NEDD9: variants seen among roughly 807,000 people sequenced by gnomAD.
NEDD9 encodes enhancer of filamentation 1.
Under a neutral mutation model 76.6 loss-of-function variants are expected in NEDD9, and 26 were observed. That is an observed-to-expected ratio of 0.34 (90% confidence interval 0.25 to 0.47). NEDD9 has a LOEUF of 0.47. Among genes scored for constraint, NEDD9 ranks in the 20% least tolerant of loss-of-function variants. The pLI is 1.00. For missense variants in NEDD9, 937 were observed against 1,058.5 expected, an observed-to-expected ratio of 0.89 and a Z score of 1.59; for synonymous variants, 392 against 414.2, an observed-to-expected ratio of 0.95 and a Z score of 0.65.
intron 1 of NEDD9, among the ~76,000 whole-genome samples, chr6:11,362,277 C>T (rs758240871): frequency 1.3e-5 from 2 of 152,172 alleles, no homozygotes; most frequent in Admixed American, 6.5e-5. Context: ...TGTTAGTCTC[C>T]AGAACTGTAA....
At chr6:11,279,203 T>A (rs1211272326) in intron 3 of NEDD9, among the ~76,000 whole-genome samples, 2 of 152,210 alleles carry the variant, frequency 1.3e-5, no homozygotes, top group African/African-American at 4.8e-5. Context: ...AAATATGATA[T>A]TTCCAGCTGA....
chr6:11,311,954 G>A (rs777999433), intron 2 of NEDD9, among the ~76,000 whole-genome samples: 5 of 152,072 alleles, frequency 3.3e-5, no homozygotes, highest in South Asian at 2.1e-4. Flanking sequence ...CATTGACCAC[G>A]TTTCCCCTTT....
Position 11,190,562 on chromosome 6 carries a change from C to T in NEDD9, c.1307G>A (p.Arg436Gln), listed in dbSNP as rs552427917. The T allele has an allele frequency of 1.1e-4, 182 of 1,614,162 alleles. 4 individuals are homozygous for T. In the South Asian group the frequency reaches 1.8e-3, roughly 16 times the overall value. Residue 436 changes from arginine (R) to glutamine (Q), a missense_variant, in exon 5 of 7, where the codon CGG becomes CAG. Transcript: ENST00000379446. This position sits in a 1 kb window ranked among gnomAD's most constrained non-coding sequence, Gnocchi z 5.8. Reference protein sequence around the residue: ...SLMALVTTDWRCYGYMERHIN... With the variant: ...SLMALVTTDWQCYGYMERHIN... ...GTGTCTTTCCATATATCCGTAACAC[C>T]GCCAGTCGGTAGTGACCAGTGCCAT...
At chr6:11,276,352 TG>T (rs983640929) in intron 3 of NEDD9, among the ~76,000 whole-genome samples, 1 of 152,232 alleles carries the variant, frequency 6.6e-6, no homozygotes, top group African/African-American at 2.4e-5. Flanking sequence ...TGCATGTATG[TG>T]TGCATGCGTG....
At position 11,185,685 on chromosome 6, in the gene NEDD9, G is replaced by T; in HGVS notation, c.1996-14C>A. On this transcript the variant is annotated splice_polypyrimidine_tract_variant and intron_variant, in intron 6 of 6. Transcript: ENST00000379446. Reference sequence around the variant, plus strand: ...GAACTGGCTCAGCTGCAAGGAAGACGAAAGCAGATCTCATTAGAGCAAGGG... The same window carrying T: ...GAACTGGCTCAGCTGCAAGGAAGACTAAAGCAGATCTCATTAGAGCAAGGG... 1 of 1,613,634 alleles carries T rather than the reference G, an allele frequency of 6.2e-7. No individual in the cohort carries two copies. Among genetic ancestry groups the T allele is most frequent in the East Asian group, 2.2e-5 (1 of 44,876 alleles).
chr6:11,220,809 C>A (rs1352723747), intron 1 of NEDD9, among the ~76,000 whole-genome samples: 1 of 152,156 alleles, frequency 6.6e-6, no homozygotes, highest in African/African-American at 2.4e-5. Context: ...AGCTGGGTTC[C>A]TCTCCTTCCC....
At chr6:11,289,506 G>C (rs1760719311) in intron 3 of NEDD9, among the ~76,000 whole-genome samples, 1 of 152,176 alleles carries the variant, frequency 6.6e-6, no homozygotes, top group Admixed American at 6.5e-5. Flanking sequence ...AGGCTGGAAT[G>C]CAGTGGCGCG....
At chr6:11,197,123 G>C (rs1232244993) in intron 2 of NEDD9, among the ~76,000 whole-genome samples, 39 of 152,238 alleles carry the variant, frequency 2.6e-4, no homozygotes, top group Non-Finnish European at 7.4e-5. Flanking sequence ...GGGACCTCAA[G>C]TTTGGAAGAA....
intron 2 of NEDD9, among the ~76,000 whole-genome samples, chr6:11,204,720 A>AAG (rs1491425003): frequency 4.9e-4 from 24 of 48,676 alleles, no homozygotes; most frequent in African/African-American, 3.2e-3. Flanking sequence ...GGTCCGTCTC[A>AAG]AAAAAAAAAA....
chr6:11,306,018 T>C, exon 3 of NEDD9: 2 of 1,613,996 alleles, frequency 1.2e-6, no homozygotes, highest in Non-Finnish European at 8.5e-7. Flanking sequence ...CCCCAAGGAA[T>C]GATGCAGCTC....
chr6:11,246,676 C>G (rs749745239), intron 3 of NEDD9, among the ~76,000 whole-genome samples: 3 of 152,304 alleles, frequency 2.0e-5, no homozygotes, highest in Non-Finnish European at 2.9e-5. Context: ...TTTTTCACTT[C>G]CCACCCACAG....
intron 2 of NEDD9, among the ~76,000 whole-genome samples, chr6:11,333,547 C>T (rs1451548584): frequency 6.6e-6 from 1 of 152,344 alleles, no homozygotes; most frequent in East Asian, 1.9e-4. Flanking sequence ...CAGGCATGCC[C>T]TCCCAGAATG....
rs1246953258 is a variant in NEDD9, at chr6:11,252,618, C to T, written c.13-38891G>A. On this transcript the variant is annotated intron_variant, in intron 3 of 3. Transcript: ENST00000397378. This position sits in a 1 kb window ranked among gnomAD's most constrained non-coding sequence, Gnocchi z 4.3. ...ACATCTTAGGTCCATGTCACTTACA[C>T]TATTTAGTTATATAGAGCCTTCTGC... Among the ~76,000 whole-genome samples the T allele has an allele frequency of 6.6e-6, 1 of 152,034 alleles. No individual in the cohort carries two copies.
intron 4 of NEDD9, 86 bp downstream of exon 4, chr6:11,192,259 A>C: frequency 1.9e-6 from 1 of 513,284 alleles, no homozygotes; most frequent in Non-Finnish European, 3.3e-6. Context: ...CGAGTGAACT[A>C]CTTACCCACC....
intron 2 of NEDD9, among the ~76,000 whole-genome samples, chr6:11,333,112 A>G (rs1762083034): frequency 6.6e-6 from 1 of 152,104 alleles, no homozygotes; most frequent in Non-Finnish European, 1.5e-5. Context: ...CAATTTTCCC[A>G]TGAGTCTACT....
chr6:11,270,828 A>G (rs913411792), intron 3 of NEDD9, among the ~76,000 whole-genome samples: 3 of 152,208 alleles, frequency 2.0e-5, no homozygotes, highest in African/African-American at 4.8e-5. Context: ...GAAGTCAAAG[A>G]AAGAGAACTG....
At chr6:11,257,514 A>G (rs1251063912) in intron 3 of NEDD9, among the ~76,000 whole-genome samples, 6 of 152,140 alleles carry the variant, frequency 3.9e-5, no homozygotes, top group Non-Finnish European at 7.4e-5. Context: ...CAGCCCCCCA[A>G]ATAGACCATG....
At position 11,241,916 on chromosome 6, in the gene NEDD9, C is replaced by A. The variant is rs1175743876; in HGVS notation, c.13-28189G>T. 1.3e-5 allele frequency among the ~76,000 whole-genome samples: 2 copies of A among 152,188 alleles called. No homozygotes were observed. The highest frequency in any genetic ancestry group is 4.8e-5 in the African/African-American group (2 of 41,446). On this transcript the variant is annotated intron_variant, in intron 3 of 3. Transcript: ENST00000397378. The surrounding 1 kb of genome is among the most constrained non-coding windows in gnomAD (Gnocchi z 4.0). ...TGAAAGGAATCCGGATAATACAAGG[C>A]CTGGTGGAGAGGCGGGTGAGAGGAA...
chr6:11,240,711 G>A (rs1221416224), intron 3 of NEDD9, among the ~76,000 whole-genome samples: 3 of 152,154 alleles, frequency 2.0e-5, no homozygotes, highest in South Asian at 2.1e-4. Flanking sequence ...AAATTCACTC[G>A]ACTCTAGTGA....
Sources: gnomAD v4.1 joint callset for allele counts (sites outside exome capture counted in the v4.1 genomes callset) on GRCh38, gnomAD v4.1.1 for gene constraint, Gnocchi (gnomAD v3.1) non-coding constraint, MANE v1.5 for transcripts, NCBI Gene and HGNC (gene_info 2026-07-23, HGNC 2026-07-21) for gene names.